Variants in LRRC37A2 observed in about 807,000 individuals in gnomAD.
The protein encoded by LRRC37A2 is leucine-rich repeat-containing protein 37A2.
A neutral mutation model predicts 68.8 loss-of-function variants in LRRC37A2; 9 were observed. The observed-to-expected ratio is 0.13, with a 90% CI of 0.08 to 0.23. The LOEUF (loss-of-function observed/expected upper bound fraction) is 0.23, where lower values mean the gene tolerates loss of function less well. LRRC37A2 is among the 10% of genes least tolerant of loss of function. The pLI is 1.00. For missense variants in LRRC37A2, 168 were observed against 950.4 expected, an observed-to-expected ratio of 0.18 and a Z score of 10.82; for synonymous variants, 63 against 367.6, an observed-to-expected ratio of 0.17 and a Z score of 9.48.
the LRRC37A2 span, among the ~76,000 whole-genome samples, chr17:46,895,457 C>T: frequency 2.6e-5 from 4 of 152,178 alleles, no homozygotes; most frequent in African/African-American, 9.6e-5. Flanking sequence ...GGGTCAGTGG[C>T]CGTGGTGCCT....
At chr17:47,044,385 T>C in the LRRC37A2 span, among the ~76,000 whole-genome samples, 6 of 151,280 alleles carry the variant, frequency 4.0e-5, no homozygotes, top group Non-Finnish European at 1.5e-5. Context: ...TGTGAAAATG[T>C]GTATATGGAC....
the LRRC37A2 span, among the ~76,000 whole-genome samples, chr17:46,418,317 A>G: frequency 3.1e-5 from 2 of 63,928 alleles, no homozygotes; most frequent in African/African-American, 8.0e-5. Flanking sequence ...CCTCCTGGGG[A>G]AACTCAAATG....
the LRRC37A2 span, among the ~76,000 whole-genome samples, chr17:46,845,839 A>G: frequency 7.4e-6 from 1 of 135,330 alleles, no homozygotes; most frequent in African/African-American, 2.8e-5. Context: ...CCTCCAGGCT[A>G]GAGTGCAGTG....
the LRRC37A2 span, among the ~76,000 whole-genome samples, chr17:46,950,061 G>A: frequency 1.3e-5 from 2 of 152,260 alleles, no homozygotes; most frequent in Admixed American, 6.5e-5. Flanking sequence ...AGAGGCCGTG[G>A]GGCCTCCTGG....
chr17:46,810,955 T>C, the LRRC37A2 span, among the ~76,000 whole-genome samples: 1 of 152,048 alleles, frequency 6.6e-6, no homozygotes, highest in East Asian at 1.9e-4. Flanking sequence ...CTCTGGCATC[T>C]CCTTCATTCC....
At chr17:46,755,862 G>T in the LRRC37A2 span, 1 of 1,603,636 alleles carries the variant, frequency 6.2e-7, no homozygotes, top group South Asian at 1.1e-5. Flanking sequence ...CAAGGGAAGT[G>T]ACCAAGGTGA....
chr17:46,763,503 C>G, the LRRC37A2 span: 6 of 152,240 alleles, frequency 3.9e-5, no homozygotes, highest in African/African-American at 1.4e-4. Context: ...CTCACATTGG[C>G]CCCAGAGAGG....
At chr17:47,014,669 C>T in the LRRC37A2 span, among the ~76,000 whole-genome samples, 3 of 151,740 alleles carry the variant, frequency 2.0e-5, no homozygotes, top group Non-Finnish European at 4.4e-5. Flanking sequence ...TAGTCTCCCC[C>T]CGCTCCAGGA....
chr17:46,823,166 TTATATATTTATATATAATATATTA>T, the LRRC37A2 span, among the ~76,000 whole-genome samples: 10 of 128,530 alleles, frequency 7.8e-5, no homozygotes, highest in East Asian at 8.5e-4. Context: ...ATATTATATA[TTATATATTTATATATAATATATTA>T]TATATATTTA....
At chr17:46,679,926 A>C in the LRRC37A2 span, among the ~76,000 whole-genome samples, 3 of 147,440 alleles carry the variant, frequency 2.0e-5, no homozygotes, top group Admixed American at 6.8e-5. Context: ...TCAGAATGTA[A>C]AGTGCCTAGG....
At chr17:46,806,828 C>T in the LRRC37A2 span, among the ~76,000 whole-genome samples, 2 of 152,254 alleles carry the variant, frequency 1.3e-5, no homozygotes, top group East Asian at 3.9e-4. Flanking sequence ...GGCCGCCGCT[C>T]CCCTCTGCTC....
chr17:47,040,636 TG>T, the LRRC37A2 span, among the ~76,000 whole-genome samples: 2 of 90,730 alleles, frequency 2.2e-5, no homozygotes, highest in African/African-American at 7.5e-5. Flanking sequence ...CTTAAATTCT[TG>T]GAACTGATAA....
At chr17:46,755,559 C>T in the LRRC37A2 span, 37 of 684,810 alleles carry the variant, frequency 5.4e-5, no homozygotes, top group Middle Eastern at 2.5e-4. Flanking sequence ...TGTCCTGCTT[C>T]GCAAAACTTC....
chr17:46,412,897 AAAGATT>A, the LRRC37A2 span: 1 of 158,546 alleles, frequency 6.3e-6, no homozygotes, highest in Admixed American at 8.8e-5. Flanking sequence ...GCCACCTGAT[AAAGATT>A]TTCTATGTGA....
the LRRC37A2 span, among the ~76,000 whole-genome samples, chr17:46,659,833 G>A: frequency 7.1e-6 from 1 of 141,832 alleles, no homozygotes; most frequent in African/African-American, 2.9e-5. Context: ...GGCCTTGTTT[G>A]TCCTTTGCAT....
At chr17:46,502,563 A>G in the LRRC37A2 span, among the ~76,000 whole-genome samples, 2 of 151,100 alleles carry the variant, frequency 1.3e-5, no homozygotes, top group African/African-American at 4.9e-5. Context: ...CAGCCTCCCA[A>G]AGTGCTGGGA....
the LRRC37A2 span, among the ~76,000 whole-genome samples, chr17:46,767,328 G>C: frequency 1.3e-5 from 2 of 152,146 alleles, no homozygotes; most frequent in Non-Finnish European, 2.9e-5. Context: ...AACTCGGTGA[G>C]AGTGCTCCCC....
the LRRC37A2 span, among the ~76,000 whole-genome samples, chr17:46,760,138 G>A: frequency 1.3e-5 from 2 of 152,234 alleles, no homozygotes; most frequent in East Asian, 1.9e-4. Flanking sequence ...AGTAGAGTGC[G>A]CCTGAGTCCT....
the LRRC37A2 span, among the ~76,000 whole-genome samples, chr17:46,863,853 T>C: frequency 7.9e-5 from 12 of 152,130 alleles, no homozygotes; most frequent in Non-Finnish European, 1.3e-4. Flanking sequence ...CGCTCACAAC[T>C]ACATCCATCC....
Sources: gnomAD v4.1 joint callset for allele counts (sites outside exome capture counted in the v4.1 genomes callset) on GRCh38, gnomAD v4.1.1 for gene constraint, MANE v1.5 for transcripts, NCBI Gene and HGNC (gene_info 2026-07-23, HGNC 2026-07-21) for gene names.